The following POLA2 variants were observed in gnomAD, a reference collection of about 807,000 sequenced individuals.
POLA2 encodes DNA polymerase alpha subunit B.
Under a neutral mutation model 82.8 loss-of-function variants are expected in POLA2, and 47 were observed. That is an observed-to-expected ratio of 0.57 (90% confidence interval 0.45 to 0.72). The LOEUF (loss-of-function observed/expected upper bound fraction) is 0.72, where lower values mean the gene tolerates loss of function less well. Ranked by LOEUF, POLA2 falls within the 30% of genes least tolerant of loss-of-function variation. The pLI is 0.00. For missense variants in POLA2, 634 were observed against 728.1 expected (o/e 0.87, Z 1.49); for synonymous variants, 287 against 286.8 (o/e 1.00, Z -0.01).
intron 13 of POLA2, among the ~76,000 whole-genome samples, chr11:65,290,558 C>G (rs1370425700): frequency 2.0e-5 from 3 of 152,086 alleles, no homozygotes; most frequent in Non-Finnish European, 4.4e-5. Flanking sequence ...CATGGCAGTT[C>G]CTATTCTTTC....
At chr11:65,294,060 C>T (rs1317439711) in intron 13 of POLA2, 93 bp from the exon 14 acceptor site, 3 of 1,072,694 alleles carry the variant, frequency 2.8e-6, no homozygotes, top group Admixed American at 1.7e-5. Flanking sequence ...TGGGCTCTGC[C>T]TCCAGCCTGA....
At chr11:65,289,748 A>G (rs762969600) in intron 12 of POLA2, 51 bp from the exon 13 acceptor site, 9 of 1,237,150 alleles carry the variant, frequency 7.3e-6, no homozygotes, top group African/African-American at 5.9e-5. Context: ...AAACAAGTGA[A>G]TAAACACCAA....
chr11:65,278,905 C>G lies in POLA2; in HGVS notation c.637C>G (p.Leu213Val). 6.2e-7 allele frequency: 1 copy of G among 1,613,364 alleles called. No homozygotes were observed. The highest frequency in any genetic ancestry group is 1.8e-4 in the Middle Eastern group (1 of 5,630). Residue 213 changes from leucine to valine, a missense_variant, in exon 6 of 18, where the codon CTC becomes GTC. Physicochemically the swap from Leu to Val is conservative, Grantham distance 32 (BLOSUM62 1). Transcript: ENST00000265465. ...GAGCTACAAATCCATGTTTCAGAAGCTCCCAGACATTCGAGAAGGTGATTG... is the reference window on the plus strand; with the variant it reads ...GAGCTACAAATCCATGTTTCAGAAGGTCCCAGACATTCGAGAAGGTGATTG... ...TGSYKSMFQK[L>V]PDIREVLTCK...
At chr11:65,275,186 C>T (rs911528152) in intron 4 of POLA2, among the ~76,000 whole-genome samples, 11 of 152,094 alleles carry the variant, frequency 7.2e-5, no homozygotes, top group Non-Finnish European at 1.3e-4. Context: ...AAACTTGCAG[C>T]CAGGAGGAGC....
At chr11:65,281,231 C>G in intron 8 of POLA2, 84 bp downstream of exon 8, 1 of 1,391,630 alleles carries the variant, frequency 7.2e-7, no homozygotes, top group Non-Finnish European at 1.0e-6. Context: ...AGCTGCTCCT[C>G]AGTTCCTGTC....
At chr11:65,286,746 G>A (rs1949701602) in intron 10 of POLA2, among the ~76,000 whole-genome samples, 1 of 152,146 alleles carries the variant, frequency 6.6e-6, no homozygotes, top group South Asian at 2.1e-4. Context: ...AGCAACAATA[G>A]GAAACTAACA....
At chr11:65,305,244 G>T in intron 8 of POLA2, 1 of 407,814 alleles carries the variant, frequency 2.5e-6, no homozygotes, top group Non-Finnish European at 4.9e-6. Context: ...CACCTCTGCA[G>T]AAATTCTGCA....
In POLA2 at chr11:65,269,829, TTTGTTG is replaced by T. The variant is rs528893207; in HGVS notation, c.354+1115_354+1120del. Among the ~76,000 whole-genome samples, 23 of 152,170 alleles carry T rather than the reference TTTGTTG, an allele frequency of 1.5e-4. 1 individual carries two copies. The South Asian group carries it at 4.4e-3, about 29-fold the overall frequency. On this transcript the variant is annotated intron_variant, in intron 4 of 17. Transcript: ENST00000265465. ...TATTCAGTAATAGTAATTATTCTTT[TTTGTTG>T]TTGTTGTTGTTGTTTTGAGATGGAG...
chr11:65,291,770 G>C (rs980885213), intron 13 of POLA2, among the ~76,000 whole-genome samples: 1 of 152,304 alleles, frequency 6.6e-6, no homozygotes, highest in African/African-American at 2.4e-5. Flanking sequence ...TGTCACACTG[G>C]GGATGAGAGC....
intron 12 of POLA2, among the ~76,000 whole-genome samples, chr11:65,289,296 G>T (rs140908773): frequency 1.5e-3 from 227 of 152,316 alleles, no homozygotes; most frequent in African/African-American, 5.2e-3. Flanking sequence ...CTGGAAGCTG[G>T]GGGAGGGACA....
rs962875480 is a variant in POLA2 at position 65,262,341 on chromosome 11, C to T, written c.49C>T (p.Leu17=). The change falls in exon 1 of 18, where the codon CTA becomes TTA. Residue 17 remains leucine, a synonymous_variant. Coordinates refer to ENST00000265465, the MANE Select transcript of POLA2 (RefSeq NM_002689.4). ...QLAEELQIFG[L]DCEEALIEKL... ...GGCGGAGGAGCTGCAGATCTTCGGC[C>T]TAGACTGCGAGGAGGCTCTAATTGA... 2 of 1,613,888 alleles carry T rather than the reference C, an allele frequency of 1.2e-6. No homozygotes were observed. Among genetic ancestry groups the T allele is most frequent in the Admixed American group, 1.7e-5 (1 of 60,016 alleles).
intron 11 of POLA2, 54 bp downstream of exon 11, chr11:65,287,894 T>C (rs1949714259): frequency 5.1e-6 from 8 of 1,571,206 alleles, no homozygotes; most frequent in Admixed American, 1.8e-5. Context: ...ATGGCTTTAA[T>C]GAAGTTCTAA....
downstream of POLA2, among the ~76,000 whole-genome samples, chr11:65,299,421 G>C (rs922883290): frequency 7.9e-5 from 12 of 152,234 alleles, no homozygotes; most frequent in Non-Finnish European, 1.5e-4. Flanking sequence ...GAGAGGGAGA[G>C]GGAGAGCTGC....
downstream of POLA2, among the ~76,000 whole-genome samples, chr11:65,303,342 CAAA>C (rs917292541): frequency 3.9e-5 from 2 of 51,610 alleles, no homozygotes; most frequent in Non-Finnish European, 4.2e-5. Context: ...ACTCTGTCTC[CAAA>C]AAAAAAAAAA....
intron 5 of POLA2, among the ~76,000 whole-genome samples, chr11:65,277,122 A>G (rs1248714211): frequency 6.6e-6 from 1 of 151,082 alleles, no homozygotes; most frequent in African/African-American, 2.4e-5. Context: ...AGGTGGTGAT[A>G]GAAGCTCTGC....
rs888678991 is a variant in POLA2, at chr11:65,288,983, T to C, written c.1132-67T>C. The C allele has an allele frequency of 6.3e-6, 9 of 1,437,942 alleles. No individual in the cohort carries two copies. In the Admixed American group the frequency reaches 1.0e-4, roughly 16 times the overall value. 89.1% of individuals were successfully genotyped at this position (1,437,942 alleles called of 1,614,324 possible). On this transcript the variant is annotated intron_variant, in intron 11 of 17. Transcript: ENST00000265465. Reference sequence around the variant, plus strand: ...ACAGAGAACTGCCAGAGGAGGTATCTGAAGTCATTCACAGACACAAGTGAT... The same window carrying C: ...ACAGAGAACTGCCAGAGGAGGTATCCGAAGTCATTCACAGACACAAGTGAT...
At position 65,262,262 on chromosome 11, in the gene POLA2, G is replaced by C; in HGVS notation, c.-31G>C. 1 of 1,593,602 alleles carries C rather than the reference G, an allele frequency of 6.3e-7. No individual in the cohort carries two copies. Among genetic ancestry groups the C allele is most frequent in the African/African-American group, 1.3e-5 (1 of 74,576 alleles). ...TTGGGCGCAGGTCGGAGCTGGGTGG[G>C]CCGGCTCCCCGGCCCCTGGCTTGGG... On this transcript the variant is annotated 5_prime_UTR_variant, in exon 1 of 18. Coordinates refer to ENST00000265465, the MANE Select transcript of POLA2 (RefSeq NM_002689.4).
chr11:65,278,052 A>G (rs1434796149), intron 5 of POLA2, among the ~76,000 whole-genome samples: 2 of 152,186 alleles, frequency 1.3e-5, no homozygotes, highest in African/African-American at 2.4e-5. Flanking sequence ...CGTGTTTACA[A>G]CCAGAGGATT....
intron 4 of POLA2, among the ~76,000 whole-genome samples, chr11:65,273,851 A>G (rs943335869): frequency 4.6e-5 from 7 of 152,096 alleles, no homozygotes; most frequent in Non-Finnish European, 1.0e-4. Flanking sequence ...GGGGGAAAAA[A>G]AAAACTCTTC....
Sources: allele counts gnomAD v4.1 joint callset (sites outside exome capture counted in the v4.1 genomes callset), GRCh38; gene constraint gnomAD v4.1.1; transcripts MANE v1.5; gene names NCBI Gene and HGNC (gene_info 2026-07-23, HGNC 2026-07-21).